NELL1: variants seen among roughly 807,000 people sequenced by gnomAD.
The protein encoded by NELL1 is protein kinase C-binding protein NELL1.
NELL1 carries 76 observed loss-of-function variants against 107.4 expected under a neutral mutation model. The ratio of observed to expected loss-of-function variants is 0.71; its 90% CI spans 0.59 to 0.86. The LOEUF is 0.86. NELL1 is among the 40% of genes least tolerant of loss of function. The pLI is 0.00. For synonymous variants in NELL1, 353 were observed against 341.2 expected, an observed-to-expected ratio of 1.03 and a Z score of -0.38; for missense variants, 1,024 against 1,005.5, an observed-to-expected ratio of 1.02 and a Z score of -0.25.
chr11:21,192,320 A>G (rs1194168870), intron 13 of NELL1, among the ~76,000 whole-genome samples: 1 of 151,886 alleles, frequency 6.6e-6, no homozygotes, highest in Non-Finnish European at 1.5e-5. Flanking sequence ...AATTTTTAGT[A>G]AGTGAGATGG....
chr11:21,122,441 C>T (rs182565077), intron 13 of NELL1, among the ~76,000 whole-genome samples: 3 of 152,244 alleles, frequency 2.0e-5, no homozygotes, highest in South Asian at 2.1e-4. Flanking sequence ...TTATTTCTAT[C>T]GTAAAGACAT....
chr11:21,108,778 A>G (rs1049296638), intron 12 of NELL1, among the ~76,000 whole-genome samples: 1 of 152,114 alleles, frequency 6.6e-6, no homozygotes, highest in Admixed American at 6.5e-5. Flanking sequence ...GATTTGATTT[A>G]AAAGAGCCAA....
At chr11:21,328,925 G>A (rs1247831480) in intron 14 of NELL1, among the ~76,000 whole-genome samples, 1 of 152,042 alleles carries the variant, frequency 6.6e-6, no homozygotes, top group Non-Finnish European at 1.5e-5. Flanking sequence ...TTATATCTAG[G>A]AGGTAACTAT....
At chr11:21,150,552 C>T (rs1451223710) in intron 13 of NELL1, among the ~76,000 whole-genome samples, 1 of 152,140 alleles carries the variant, frequency 6.6e-6, no homozygotes, top group Admixed American at 6.5e-5. Flanking sequence ...GTTACTTTTG[C>T]CGCACTGGTT....
chr11:20,883,124 T>C (rs147701709), intron 4 of NELL1, among the ~76,000 whole-genome samples: 1 of 149,186 alleles, frequency 6.7e-6, no homozygotes, highest in South Asian at 2.2e-4. Flanking sequence ...GGAACAGATT[T>C]GGCAGGGCTG....
chr11:20,815,265 G>C (rs7110711), intron 3 of NELL1, among the ~76,000 whole-genome samples: 1 of 151,686 alleles, frequency 6.6e-6, no homozygotes, highest in East Asian at 1.9e-4. Flanking sequence ...GGGTTTTGTA[G>C]TTTTAGTAGA....
At chr11:20,755,613 T>A (rs1856259739) in intron 2 of NELL1, among the ~76,000 whole-genome samples, 1 of 147,728 alleles carries the variant, frequency 6.8e-6, no homozygotes, top group East Asian at 2.0e-4. Flanking sequence ...TGGAGTACAG[T>A]GGCACGATCT....
At position 21,327,542 on chromosome 11, in the gene NELL1, CT is replaced by C. The variant is rs1263153549; in HGVS notation, c.1550-43308del. 4.6e-5 allele frequency among the ~76,000 whole-genome samples: 7 copies of C among 152,204 alleles called. No individual in the cohort carries two copies. The East Asian group carries it at 1.4e-3, about 29-fold the overall frequency. On this transcript the variant is annotated intron_variant, in intron 14 of 19. Coordinates refer to ENST00000357134, the MANE Select transcript of NELL1 (RefSeq NM_006157.5). The stretch of plus-strand genomic sequence containing the variant: ...ATAAATTACCTAGTCTCCAGTGTGT[CT>C]TTCTTAGCAGCATGAGAACAGACTA...
chr11:21,300,029 G>A (rs1194689586), intron 14 of NELL1, among the ~76,000 whole-genome samples: 5 of 152,020 alleles, frequency 3.3e-5, no homozygotes, highest in Admixed American at 1.3e-4. Flanking sequence ...CAATGATCAC[G>A]TAAACACACA....
At chr11:21,535,942 T>C (rs1251405106) in intron 16 of NELL1, among the ~76,000 whole-genome samples, 1 of 152,118 alleles carries the variant, frequency 6.6e-6, no homozygotes. Context: ...ATGGCTATTG[T>C]TGAGGAATGA....
At chr11:20,916,746 T>G (rs1416421326) in intron 5 of NELL1, among the ~76,000 whole-genome samples, 1 of 151,820 alleles carries the variant, frequency 6.6e-6, no homozygotes, top group Non-Finnish European at 1.5e-5. Flanking sequence ...TCTTTTATTA[T>G]TATTATTATT....
At chr11:21,262,909 T>A (rs981609368) in intron 14 of NELL1, among the ~76,000 whole-genome samples, 1 of 151,882 alleles carries the variant, frequency 6.6e-6, no homozygotes, top group African/African-American at 2.4e-5. Flanking sequence ...ATGCTGGACT[T>A]TCTGATTTTT....
intron 15 of NELL1, among the ~76,000 whole-genome samples, chr11:21,505,788 A>G (rs111523029): frequency 0.018 from 2,795 of 152,242 alleles, 87 homozygotes; most frequent in African/African-American, 0.062. Flanking sequence ...CACTTGGAAT[A>G]TTGTTGTAAT....
chr11:21,105,631 A>G (rs913292966), intron 12 of NELL1, among the ~76,000 whole-genome samples: 3 of 152,114 alleles, frequency 2.0e-5, no homozygotes, highest in Non-Finnish European at 2.9e-5. Context: ...CTGTGTCTGC[A>G]GCTCGATTTT....
At chr11:21,476,643 T>A (rs11026103) in intron 15 of NELL1, among the ~76,000 whole-genome samples, 74,821 of 151,890 alleles carry the variant, frequency 0.49, 18,938 homozygotes, top group African/African-American at 0.61. Flanking sequence ...CTGTGAGTGA[T>A]CACAGTACCT....
intron 12 of NELL1, among the ~76,000 whole-genome samples, chr11:21,028,868 T>C (rs1319150663): frequency 1.3e-5 from 2 of 152,182 alleles, no homozygotes; most frequent in African/African-American, 2.4e-5. Flanking sequence ...AAGTTATTAT[T>C]ATTTTATTTG....
intron 2 of NELL1, among the ~76,000 whole-genome samples, chr11:20,714,027 T>A (rs1453093783): frequency 6.6e-6 from 1 of 152,058 alleles, no homozygotes; most frequent in Non-Finnish European, 1.5e-5. Flanking sequence ...TCCCAGAGTT[T>A]GCTTCGTGTG....
intron 2 of NELL1, among the ~76,000 whole-genome samples, chr11:20,703,994 G>T (rs1349385739): frequency 6.6e-6 from 1 of 152,194 alleles, no homozygotes; most frequent in Non-Finnish European, 1.5e-5. Context: ...ATTTGGGGTG[G>T]AGAGTTCTGT....
At chr11:21,087,411 T>C (rs1854421391) in intron 12 of NELL1, among the ~76,000 whole-genome samples, 1 of 152,158 alleles carries the variant, frequency 6.6e-6, no homozygotes. Context: ...TTTTGCTAGT[T>C]ACTAGAGTTG....
Sources: gnomAD v4.1 joint callset for allele counts (sites outside exome capture counted in the v4.1 genomes callset) on GRCh38, gnomAD v4.1.1 for gene constraint, MANE v1.5 for transcripts, NCBI Gene and HGNC (gene_info 2026-07-23, HGNC 2026-07-21) for gene names.